PRELID2: variants seen among roughly 807,000 people sequenced by gnomAD.
PRELID2 encodes the protein PRELI domain-containing protein 2.
PRELID2 carries 25 observed loss-of-function variants against 28.4 expected under a neutral mutation model. The ratio of observed to expected loss-of-function variants is 0.88; its 90% confidence interval spans 0.64 to 1.23. The LOEUF is 1.23. PRELID2 is among the 50% of genes most tolerant of loss of function. PRELID2 has a pLI of 0.00. For synonymous variants in PRELID2, 76 were observed against 71.6 expected (o/e 1.06, Z -0.31); for missense variants, 201 against 214.4 (o/e 0.94, Z 0.39).
the PRELID2 span, among the ~76,000 whole-genome samples, chr5:145,333,060 C>T: frequency 5.3e-5 from 8 of 152,152 alleles, no homozygotes; most frequent in African/African-American, 1.7e-4. Context: ...TGCTGGATGT[C>T]GACTCCAGAC....
At chr5:145,595,132 AAAGAAG>A (rs144379324) in intron 1 of PRELID2, among the ~76,000 whole-genome samples, 3,616 of 149,224 alleles carry the variant, frequency 0.024, 157 homozygotes, top group African/African-American at 0.084. Flanking sequence ...AAAAGAAAAA[AAAGAAG>A]AAGAAGAAGA....
At chr5:145,818,132 A>C in intron 3 of PRELID2, 78 bp from the exon 4 acceptor site, 23 of 1,457,102 alleles carry the variant, frequency 1.6e-5, no homozygotes, top group Non-Finnish European at 2.1e-5. Flanking sequence ...AGTTACTCTC[A>C]GTCTTGGATA....
chr5:145,417,364 C>T, the PRELID2 span, among the ~76,000 whole-genome samples: 354 of 152,150 alleles, frequency 2.3e-3, 1 homozygote, highest in Non-Finnish European at 4.0e-3. Flanking sequence ...TTCCAAACAA[C>T]TGAAAAGAAG....
At chr5:145,690,718 T>C (rs1755131829) in intron 1 of PRELID2, among the ~76,000 whole-genome samples, 2 of 152,208 alleles carry the variant, frequency 1.3e-5, no homozygotes, top group South Asian at 4.1e-4. Flanking sequence ...TGAGATTTTC[T>C]TTCACTCACT....
chr5:145,518,412 C>G (rs1240920071), intron 1 of PRELID2, among the ~76,000 whole-genome samples: 1 of 152,030 alleles, frequency 6.6e-6, no homozygotes, highest in Non-Finnish European at 1.5e-5. Context: ...ATTGGCCAGG[C>G]TGGTCTCGAG....
At chr5:145,520,195 T>C (rs181216124) in intron 1 of PRELID2, among the ~76,000 whole-genome samples, 13 of 152,322 alleles carry the variant, frequency 8.5e-5, no homozygotes, top group Admixed American at 8.5e-4. Context: ...CATTCTTCTT[T>C]ATTGTTCCTG....
intron 1 of PRELID2, among the ~76,000 whole-genome samples, chr5:145,584,956 A>G (rs1753140053): frequency 1.3e-5 from 2 of 152,198 alleles, no homozygotes; most frequent in Non-Finnish European, 2.9e-5. Flanking sequence ...AAGTAATATA[A>G]ATCATTCTAT....
At chr5:145,417,718 A>C in the PRELID2 span, among the ~76,000 whole-genome samples, 5 of 152,218 alleles carry the variant, frequency 3.3e-5, no homozygotes, top group Admixed American at 3.3e-4. Flanking sequence ...AAAAACTCTC[A>C]ATAAACTGGA....
chr5:145,378,772 G>C, the PRELID2 span, among the ~76,000 whole-genome samples: 1 of 151,994 alleles, frequency 6.6e-6, no homozygotes, highest in Non-Finnish European at 1.5e-5. Context: ...TTCATATTTT[G>C]AATTCTATTT....
the PRELID2 span, among the ~76,000 whole-genome samples, chr5:145,404,193 A>G: frequency 2.0e-5 from 3 of 152,348 alleles, no homozygotes; most frequent in East Asian, 5.8e-4. Flanking sequence ...TCTGAGTAAT[A>G]GAGCAAACAC....
In PRELID2 at chr5:145,819,489, A is replaced by T. The variant is rs568714207; in HGVS notation, c.207+456T>A. 320 of 938,476 alleles carry T rather than the reference A, an allele frequency of 3.4e-4. 1 individual carries two copies. The South Asian group carries it at 4.3e-3, about 13-fold the overall frequency. The allele number at this position is 938,476 out of a possible 1,614,324, so 58.1% of individuals were successfully genotyped here. ...ATATTACTTTAGAGAAATACACATA[A>T]AGACTTACAGAGGGTGTGGAGAACC... On this transcript the variant is annotated intron_variant, in intron 3 of 6. Coordinates refer to ENST00000683046, the MANE Select transcript of PRELID2 (RefSeq NM_205846.3).
chr5:145,684,966 A>G (rs1224746929), intron 1 of PRELID2, among the ~76,000 whole-genome samples: 1 of 152,166 alleles, frequency 6.6e-6, no homozygotes, highest in African/African-American at 2.4e-5. Context: ...AGATATGAAG[A>G]AAGTTGGGCT....
At chr5:145,704,271 T>C (rs1755483184) in intron 1 of PRELID2, 1 of 152,228 alleles carries the variant, frequency 6.6e-6, no homozygotes, top group Middle Eastern at 3.2e-3. Context: ...AATTTGCATC[T>C]GTCCATCCAG....
intron 5 of PRELID2, among the ~76,000 whole-genome samples, chr5:145,789,632 C>T (rs1034542874): frequency 6.6e-6 from 1 of 152,134 alleles, no homozygotes; most frequent in Middle Eastern, 3.4e-3. Context: ...GGAACAAAAA[C>T]AGACAAATAA....
At chr5:145,668,140 G>C (rs951551) in intron 1 of PRELID2, among the ~76,000 whole-genome samples, 9,685 of 151,978 alleles carry the variant, frequency 0.064, 1,035 homozygotes, top group African/African-American at 0.22. Context: ...AAGATTTAGT[G>C]TTCCCCTGTG....
chr5:145,647,014 G>A (rs1178923615), intron 1 of PRELID2, among the ~76,000 whole-genome samples: 1 of 152,184 alleles, frequency 6.6e-6, no homozygotes, highest in Non-Finnish European at 1.5e-5. Flanking sequence ...TACTTGAGGA[G>A]GCATTCTGAC....
At chr5:145,555,235 T>C (rs1489612656) in intron 1 of PRELID2, among the ~76,000 whole-genome samples, 1 of 152,168 alleles carries the variant, frequency 6.6e-6, no homozygotes, top group Admixed American at 6.5e-5. Context: ...GGTCCCTTTT[T>C]TTAGAAATGC....
At chr5:145,486,269 G>A (rs1343500963) in intron 1 of PRELID2, among the ~76,000 whole-genome samples, 1 of 152,098 alleles carries the variant, frequency 6.6e-6, no homozygotes, top group Non-Finnish European at 1.5e-5. Flanking sequence ...ACACTTAATT[G>A]TTATAGTTTG....
intron 1 of PRELID2, among the ~76,000 whole-genome samples, chr5:145,484,631 T>G (rs1314407567): frequency 6.6e-6 from 1 of 152,224 alleles, no homozygotes; most frequent in African/African-American, 2.4e-5. Context: ...GCAAGGACAC[T>G]TCTACCTTTC....
Sources: allele counts gnomAD v4.1 joint callset (sites outside exome capture counted in the v4.1 genomes callset), GRCh38; gene constraint gnomAD v4.1.1; transcripts MANE v1.5; gene names NCBI Gene and HGNC (gene_info 2026-07-23, HGNC 2026-07-21).